GOLM2: variants seen among roughly 807,000 people sequenced by gnomAD.
The protein encoded by GOLM2 is protein GOLM2.
Under a neutral mutation model 55.9 loss-of-function variants are expected in GOLM2, and 26 were observed. The ratio of observed to expected loss-of-function variants is 0.47; its 90% CI spans 0.34 to 0.65. GOLM2 has a LOEUF of 0.65. Ranked by LOEUF, GOLM2 falls within the 30% of genes least tolerant of loss-of-function variation. The pLI, the probability that GOLM2 is intolerant of heterozygous loss-of-function variation, is 0.01. For missense variants in GOLM2, 486 were observed against 531.8 expected (o/e 0.91, Z 0.85); for synonymous variants, 165 against 194.6 (o/e 0.85, Z 1.27).
At chr15:44,395,353 G>A (rs182699188) in intron 8 of GOLM2, among the ~76,000 whole-genome samples, 327 of 151,920 alleles carry the variant, frequency 2.2e-3, no homozygotes, top group Non-Finnish European at 2.9e-3. Context: ...ATTGAAACCC[G>A]TAAACGAACA....
At position 44,392,547 on chromosome 15, in the gene GOLM2, C is replaced by T. The variant is rs550611293; in HGVS notation, c.1073-10340C>T. ...CTGAGGCTGGAGAATCGCTTGAACC[C>T]GGGAGGCGGAGGTTGCAGTGAGCCA... is the stretch of plus-strand genomic sequence containing the variant. On this transcript the variant is annotated intron_variant, in intron 8 of 9. Transcript: ENST00000299957. Among the ~76,000 whole-genome samples, 32 of 151,112 alleles carry T rather than the reference C, an allele frequency of 2.1e-4. No homozygotes were observed. In the East Asian group the frequency reaches 4.1e-3, roughly 19 times the overall value.
chr15:44,382,728 G>A (rs576741592), intron 8 of GOLM2, among the ~76,000 whole-genome samples: 8 of 151,780 alleles, frequency 5.3e-5, no homozygotes, highest in East Asian at 1.9e-4. Flanking sequence ...AAGGTGGTTG[G>A]AAATAATTGC....
intron 9 of GOLM2, among the ~76,000 whole-genome samples, chr15:44,410,407 G>C (rs1260575757): frequency 6.6e-6 from 1 of 152,190 alleles, no homozygotes; most frequent in Non-Finnish European, 1.5e-5. Flanking sequence ...CTCCAGCCTG[G>C]GCGACCCAGT....
intron 6 of GOLM2, among the ~76,000 whole-genome samples, chr15:44,373,684 G>T (rs1289020765): frequency 6.6e-6 from 1 of 152,040 alleles, no homozygotes; most frequent in Non-Finnish European, 1.5e-5. Context: ...AACCCAGGAG[G>T]TGGAGGTTGC....
chr15:44,355,762 C>G (rs1382640476), intron 6 of GOLM2: 1 of 159,008 alleles, frequency 6.3e-6, no homozygotes, highest in Non-Finnish European at 1.4e-5. Context: ...GCTGAGGAGT[C>G]CCTGCCTCAC....
At position 44,306,458 on chromosome 15, in the gene GOLM2, T is replaced by C. The variant is rs559849557; in HGVS notation, c.328-16507T>C. 6.8e-4 allele frequency among the ~76,000 whole-genome samples: 104 copies of C among 152,346 alleles called. No homozygotes were observed. The Middle Eastern group carries it at 0.014, about 20-fold the overall frequency. On this transcript the variant is annotated intron_variant, in intron 1 of 9. Coordinates refer to ENST00000299957, the MANE Select transcript of GOLM2 (RefSeq NM_138423.4). ...AGGGAATATTGTGGTTAGTTTGACC[T>C]ATCTGGACCATGGAAACTTTCTCCA...
At chr15:44,361,892 C>T (rs201188619) in intron 6 of GOLM2, among the ~76,000 whole-genome samples, 4,089 of 151,898 alleles carry the variant, frequency 0.027, 99 homozygotes, top group East Asian at 0.1. Flanking sequence ...GTTCAATATA[C>T]GCAAATCAAT....
chr15:44,376,276 G>C (rs1040024192), intron 6 of GOLM2, among the ~76,000 whole-genome samples: 35 of 152,186 alleles, frequency 2.3e-4, no homozygotes, highest in African/African-American at 8.2e-4. Context: ...AGATACCTAT[G>C]TTGTTTCTTG....
Position 44,337,903 on chromosome 15 carries a change from G to A in GOLM2, c.717G>A (p.Gly239=). ...EEPSSNHIPH[G]KEQIKRGGDA... is the part of the protein sequence containing the mutation. ...CCTCAAGCAATCATATTCCACATGG[G>A]AAAGGTATTATTGTTATTATTCTTT... The change falls in exon 5 of 10, where the codon GGG becomes GGA. Residue 239 remains glycine (G), a synonymous_variant. Transcript: ENST00000299957. 1 of 1,589,726 alleles carries A rather than the reference G, an allele frequency of 6.3e-7. No homozygotes were observed. The highest frequency in any genetic ancestry group is 8.5e-7 in the Non-Finnish European group (1 of 1,173,916).
intron 1 of GOLM2, among the ~76,000 whole-genome samples, chr15:44,297,850 G>A (rs1187469532): frequency 3.5e-5 from 5 of 144,178 alleles, no homozygotes; most frequent in Non-Finnish European, 7.5e-5. Flanking sequence ...TTACAGGTGT[G>A]AGCCACCGCA....
At chr15:44,388,925 C>T (rs1243035078) in intron 8 of GOLM2, among the ~76,000 whole-genome samples, 1 of 152,006 alleles carries the variant, frequency 6.6e-6, no homozygotes, top group Admixed American at 6.6e-5. Flanking sequence ...ACGCCATTCT[C>T]CTGCCTCAGC....
At chr15:44,322,931 T>G in intron 1 of GOLM2, 34 bp from the exon 2 acceptor site, 1 of 1,466,486 alleles carries the variant, frequency 6.8e-7, no homozygotes, top group South Asian at 1.3e-5. Context: ...AACTACATAT[T>G]TTTTAGTAAA....
At chr15:44,353,094 CAAA>C (rs2079175721) in intron 6 of GOLM2, among the ~76,000 whole-genome samples, 1 of 151,948 alleles carries the variant, frequency 6.6e-6, no homozygotes, top group Non-Finnish European at 1.5e-5. Context: ...AGACATATGT[CAAA>C]AGAAGACGTA....
At chr15:44,411,594 T>C (rs1295825401) in intron 9 of GOLM2, among the ~76,000 whole-genome samples, 3 of 152,122 alleles carry the variant, frequency 2.0e-5, no homozygotes, top group Non-Finnish European at 4.4e-5. Context: ...GTAATCCCAG[T>C]ACTTTGGGTG....
At chr15:44,322,887 G>A in intron 1 of GOLM2, 78 bp from the exon 2 acceptor site, 2 of 957,244 alleles carry the variant, frequency 2.1e-6, no homozygotes, top group African/African-American at 1.7e-5. Context: ...TTATGATCAA[G>A]CTCAAAGTGA....
At chr15:44,399,126 C>T (rs1004975748) in intron 8 of GOLM2, among the ~76,000 whole-genome samples, 4 of 152,092 alleles carry the variant, frequency 2.6e-5, no homozygotes, top group Admixed American at 2.0e-4. Context: ...ATATAATTGT[C>T]TTCTTTTTGA....
rs1477832350 is a variant in GOLM2, at chr15:44,414,804, A to T, written c.*1398A>T. Reference sequence around the variant, plus strand: ...TTAATATGTTAGTTAAGAACCCGTCAAGCTTATATTTGCTAGACTTACAAA... The same window carrying T: ...TTAATATGTTAGTTAAGAACCCGTCTAGCTTATATTTGCTAGACTTACAAA... On this transcript the variant is annotated 3_prime_UTR_variant, in exon 10 of 10. Coordinates refer to ENST00000299957, the MANE Select transcript of GOLM2 (RefSeq NM_138423.4). 6.6e-6 allele frequency: 1 copy of T among 152,664 alleles called. No homozygotes were observed. Among genetic ancestry groups the T allele is most frequent in the Non-Finnish European group, 1.5e-5 (1 of 68,042 alleles). 9.5% of individuals were successfully genotyped at this position (152,664 alleles called of 1,614,324 possible).
intron 6 of GOLM2, among the ~76,000 whole-genome samples, chr15:44,363,646 G>T (rs2079260150): frequency 6.6e-6 from 1 of 152,066 alleles, no homozygotes; most frequent in Non-Finnish European, 1.5e-5. Context: ...GATTCCTCAG[G>T]GATCTAGAAC....
Position 44,413,516 on chromosome 15 carries a change from A to C in GOLM2, c.*110A>C. ...CGAATTGTATCAGTTGTAAAGATAC[A>C]TTGAGATAGAATTAAGGAAAAACTT... On this transcript the variant is annotated 3_prime_UTR_variant, in exon 10 of 10. Transcript: ENST00000299957. The C allele has an allele frequency of 1.3e-6, 1 of 766,048 alleles. No individual in the cohort carries two copies. The highest frequency in any genetic ancestry group is 1.8e-5 in the South Asian group (1 of 56,880). 47.5% of individuals were successfully genotyped at this position (766,048 alleles called of 1,614,324 possible).
Sources: gnomAD v4.1 joint callset for allele counts (sites outside exome capture counted in the v4.1 genomes callset) on GRCh38, gnomAD v4.1.1 for gene constraint, MANE v1.5 for transcripts, NCBI Gene and HGNC (gene_info 2026-07-23, HGNC 2026-07-21) for gene names.